Variants in ABCA4 observed in about 807,000 individuals in gnomAD.
The protein encoded by ABCA4 is ATP binding cassette subfamily A member 4.
In ABCA4, 196 loss-of-function variants were observed where a neutral mutation model predicts 263.7. That is an observed-to-expected ratio of 0.74 (90% confidence interval 0.66 to 0.84). The LOEUF is 0.84. Among genes scored for constraint, ABCA4 ranks in the 40% least tolerant of loss-of-function variants. The pLI, the probability that ABCA4 is intolerant of heterozygous loss-of-function variation, is 0.00. For missense variants in ABCA4, 2,792 were observed against 2,855.1 expected (o/e 0.98, Z 0.50); for synonymous variants, 1,133 against 1,094.2 (o/e 1.04, Z -0.70).
At chr1:94,115,797 T>G (rs893396365) in intron 1 of ABCA4, among the ~76,000 whole-genome samples, 2 of 152,176 alleles carry the variant, frequency 1.3e-5, no homozygotes, top group Non-Finnish European at 2.9e-5. Context: ...GGAGACAGAA[T>G]TAAGCTTATC....
At chr1:94,041,524 AC>A in intron 22 of ABCA4, 122 bp from the exon 23 acceptor site, 2 of 788,656 alleles carry the variant, frequency 2.5e-6, no homozygotes, top group Non-Finnish European at 4.1e-6. Context: ...AAAAAAAAAA[AC>A]CCAAGGGAAC....
intron 30 of ABCA4, among the ~76,000 whole-genome samples, chr1:94,028,805 G>T (rs547227833): frequency 5.3e-5 from 8 of 151,414 alleles, no homozygotes; most frequent in East Asian, 1.9e-4. Context: ...CACTACTCGG[G>T]GGGGCTGAGG....
intron 33 of ABCA4, 40 bp downstream of exon 33, chr1:94,021,806 A>T: frequency 6.2e-7 from 1 of 1,609,478 alleles, no homozygotes; most frequent in Non-Finnish European, 8.5e-7. Context: ...TAGTTAAGCA[A>T]GTCAAAAATC....
At chr1:94,077,981 G>A (rs1426250315) in intron 10 of ABCA4, 94 bp from the exon 11 acceptor site, 4 of 1,257,588 alleles carry the variant, frequency 3.2e-6, no homozygotes, top group African/African-American at 3.0e-5. Context: ...TAGTGATTGA[G>A]GATAGAGATG....
At chr1:94,100,331 G>A (rs1284372847) in intron 5 of ABCA4, among the ~76,000 whole-genome samples, 3 of 152,338 alleles carry the variant, frequency 2.0e-5, no homozygotes, top group East Asian at 3.9e-4. Flanking sequence ...CCTTCCAAGT[G>A]TTCACATATA....
chr1:94,048,013 G>A (rs1174783550), intron 18 of ABCA4, among the ~76,000 whole-genome samples: 1 of 152,244 alleles, frequency 6.6e-6, no homozygotes, highest in Non-Finnish European at 1.5e-5. Flanking sequence ...GGTGGAACCA[G>A]TCCCCAGCCT....
intron 16 of ABCA4, among the ~76,000 whole-genome samples, chr1:94,051,943 A>G (rs931450756): frequency 2.0e-5 from 3 of 152,212 alleles, no homozygotes; most frequent in African/African-American, 7.2e-5. Context: ...CTTGGTTGAC[A>G]TCAGTTTTCC....
intron 43 of ABCA4, among the ~76,000 whole-genome samples, chr1:94,006,819 C>T (rs1018675787): frequency 1.3e-5 from 2 of 152,202 alleles, no homozygotes; most frequent in Non-Finnish European, 2.9e-5. Flanking sequence ...GGACAGATGT[C>T]AGCAGCACCT....
At chr1:94,011,740 G>A (rs61782237) in intron 38 of ABCA4, among the ~76,000 whole-genome samples, 35,465 of 152,124 alleles carry the variant, frequency 0.23, 4,260 homozygotes, top group Non-Finnish European at 0.25. Context: ...TGTGGGCACC[G>A]AGGCTAACTG....
intron 48 of ABCA4, among the ~76,000 whole-genome samples, chr1:93,997,351 G>A (rs78801978): frequency 0.12 from 18,396 of 151,826 alleles, 1,818 homozygotes; most frequent in African/African-American, 0.27. Context: ...TTGACCTCCT[G>A]GGCTCCAGCA....
chr1:94,028,930 A>AACAAAAAAC (rs35998587), intron 30 of ABCA4, among the ~76,000 whole-genome samples: 3 of 108,040 alleles, frequency 2.8e-5, no homozygotes, highest in South Asian at 5.7e-4. Flanking sequence ...AAAAAAAAAA[A>AACAAAAAAC]GAAATTCAAA....
chr1:94,044,625 A>G lies in ABCA4; in HGVS notation c.3038T>C (p.Ile1013Thr). Residue 1013 changes from isoleucine (I) to threonine (T), a missense_variant, in exon 20 of 50, where the codon ATC becomes ACC. Coordinates refer to ENST00000370225, the MANE Select transcript of ABCA4 (RefSeq NM_000350.3). Reference sequence around the variant, plus strand: ...CTGTGTCGCTTACTGGTGGAACAGGATGTTGTGCTGTGGACACATGCCAAG... The same window carrying G: ...CTGTGTCGCTTACTGGTGGAACAGGGTGTTGTGCTGTGGACACATGCCAAG... ...QSLGMCPQHNILFHHLTVAEH... is the reference protein window; with the variant it reads ...QSLGMCPQHNTLFHHLTVAEH... 6.2e-7 allele frequency: 1 copy of G among 1,614,146 alleles called. No homozygotes were observed. Among genetic ancestry groups the G allele is most frequent in the Non-Finnish European group, 8.5e-7 (1 of 1,180,028 alleles).
chr1:94,025,350 G>A (rs1660010063), intron 30 of ABCA4, among the ~76,000 whole-genome samples: 1 of 152,048 alleles, frequency 6.6e-6, no homozygotes, highest in East Asian at 1.9e-4. Flanking sequence ...TAGACCACTA[G>A]AGAAACTTCC....
chr1:94,117,028 T>C (rs1662805993), intron 1 of ABCA4, among the ~76,000 whole-genome samples: 2 of 109,924 alleles, frequency 1.8e-5, no homozygotes, highest in Non-Finnish European at 3.9e-5. Flanking sequence ...CTTTCTTTCC[T>C]TTTCTTTCTT....
chr1:94,120,360 G>A (rs527661596), intron 1 of ABCA4, among the ~76,000 whole-genome samples: 1 of 152,172 alleles, frequency 6.6e-6, no homozygotes, highest in Non-Finnish European at 1.5e-5. Context: ...GGAAATGTGC[G>A]TGATGGTTAA....
chr1:94,014,737 T>G (rs755473847), intron 37 of ABCA4, 47 bp from the exon 38 acceptor site: 4 of 1,611,642 alleles, frequency 2.5e-6, no homozygotes, highest in Non-Finnish European at 3.4e-6. Context: ...CACATTCCAT[T>G]CCACCTACAA....
At chr1:94,031,729 C>T (rs377682891) in intron 27 of ABCA4, 49 bp downstream of exon 27, 2 of 1,610,580 alleles carry the variant, frequency 1.2e-6, no homozygotes, top group African/African-American at 2.7e-5. Flanking sequence ...GAGGGGAAGG[C>T]TGGGAGAGGA....
intron 1 of ABCA4, among the ~76,000 whole-genome samples, chr1:94,116,726 C>A (rs1021210793): frequency 3.9e-5 from 6 of 152,240 alleles, no homozygotes; most frequent in East Asian, 1.9e-4. Flanking sequence ...CTGTCCTTGA[C>A]GCTTAACTGC....
chr1:94,021,023 A>G (rs1659880231), intron 35 of ABCA4, among the ~76,000 whole-genome samples: 1 of 152,238 alleles, frequency 6.6e-6, no homozygotes, highest in Non-Finnish European at 1.5e-5. Flanking sequence ...CCAAATGTAA[A>G]CTTACTTGCC....
Sources: gnomAD v4.1 joint callset for allele counts (sites outside exome capture counted in the v4.1 genomes callset) on GRCh38, gnomAD v4.1.1 for gene constraint, MANE v1.5 for transcripts, NCBI Gene and HGNC (gene_info 2026-07-23, HGNC 2026-07-21) for gene names.